Variants in TANC2 observed in about 807,000 individuals in gnomAD.
The protein encoded by TANC2 is protein TANC2.
A neutral mutation model predicts 210.5 loss-of-function variants in TANC2; 26 were observed. The observed-to-expected ratio is 0.12, with a 90% CI of 0.09 to 0.17. TANC2 has a LOEUF of 0.17. TANC2 is among the 10% of genes least tolerant of loss of function. TANC2 has a pLI of 1.00. For synonymous variants in TANC2, 931 were observed against 967.1 expected, an observed-to-expected ratio of 0.96 and a Z score of 0.69; for missense variants, 2,129 against 2,608.9, an observed-to-expected ratio of 0.82 and a Z score of 4.01.
exon 28 of TANC2, chr17:63,422,109 G>A: frequency 9.9e-7 from 1 of 1,012,900 alleles, no homozygotes; most frequent in Non-Finnish European, 1.4e-6. Context: ...TTTGCATGCA[G>A]CCGACTGGGA....
chr17:63,171,192 C>A (rs1382639311), intron 5 of TANC2, among the ~76,000 whole-genome samples: 1 of 150,852 alleles, frequency 6.6e-6, no homozygotes, highest in East Asian at 2.0e-4. Context: ...CAAGCAGTCC[C>A]CTGCCTCAGC....
At chr17:63,098,473 CACACACAT>C (rs1468978857) in intron 3 of TANC2, among the ~76,000 whole-genome samples, 5 of 36,878 alleles carry the variant, frequency 1.4e-4, no homozygotes, top group African/African-American at 3.9e-4. Context: ...CACACACACA[CACACACAT>C]ACACTCTCTC....
chr17:63,043,079 T>C (rs1196322748), intron 2 of TANC2, among the ~76,000 whole-genome samples: 1 of 152,102 alleles, frequency 6.6e-6, no homozygotes, highest in Non-Finnish European at 1.5e-5. Context: ...TTTTTAGCAA[T>C]TGTTGAAAGA....
chr17:63,259,789 A>G (rs2043303433), intron 8 of TANC2, among the ~76,000 whole-genome samples: 1 of 152,208 alleles, frequency 6.6e-6, no homozygotes. Flanking sequence ...ATTTTGCTTT[A>G]ATGTAAATAG....
At chr17:63,309,037 A>G (rs921979478) in intron 9 of TANC2, among the ~76,000 whole-genome samples, 5 of 152,136 alleles carry the variant, frequency 3.3e-5, no homozygotes, top group African/African-American at 1.2e-4. Flanking sequence ...ATTTTATTTC[A>G]TAAATACTTC....
At chr17:63,167,273 C>T (rs1356211562) in intron 5 of TANC2, among the ~76,000 whole-genome samples, 1 of 151,894 alleles carries the variant, frequency 6.6e-6, no homozygotes, top group East Asian at 1.9e-4. Flanking sequence ...TAAATATTAC[C>T]TAAGTAAGTA....
chr17:62,969,976 A>C (rs955095332), intron 1 of TANC2, among the ~76,000 whole-genome samples: 2 of 152,222 alleles, frequency 1.3e-5, no homozygotes, highest in Non-Finnish European at 2.9e-5. Flanking sequence ...TAAGATATTG[A>C]CCACATATGA....
rs935343970 is a variant in TANC2, at chr17:63,079,127, G to A, written c.139+5113G>A. On this transcript the variant is annotated intron_variant, in intron 3 of 27. Transcript: ENST00000689528. ...GCTATAGCTGCTGGTTGTGAGATGGGCTTGCTTAGGAACAGGGCTGGATGA... is the reference window on the plus strand; with the variant it reads ...GCTATAGCTGCTGGTTGTGAGATGGACTTGCTTAGGAACAGGGCTGGATGA... 9.4e-4 allele frequency among the ~76,000 whole-genome samples: 143 copies of A among 152,256 alleles called. 1 individual carries two copies. Among genetic ancestry groups the A allele is most frequent in the African/African-American group, 3.4e-3 (141 of 41,532 alleles).
chr17:63,100,160 C>T (rs1442238469), intron 4 of TANC2, among the ~76,000 whole-genome samples: 1 of 151,986 alleles, frequency 6.6e-6, no homozygotes, highest in Non-Finnish European at 1.5e-5. Flanking sequence ...AAGGATATGT[C>T]GACTGTTTCC....
rs947334608 is a variant in TANC2, at chr17:63,379,176, G to T, written c.2583-542G>T. ...AAATCTTGTAATGCCATCTGTGTGT[G>T]GGATGGGTGTAAGCCAACTATAACT... On this transcript the variant is annotated intron_variant, in intron 14 of 27. Transcript: ENST00000689528. Among the ~76,000 whole-genome samples, 5 of 152,250 alleles carry T rather than the reference G, an allele frequency of 3.3e-5. No individual in the cohort carries two copies. In the East Asian group the frequency reaches 9.7e-4, roughly 29 times the overall value.
chr17:63,275,584 C>G (rs957270092), intron 9 of TANC2, among the ~76,000 whole-genome samples: 3 of 152,148 alleles, frequency 2.0e-5, no homozygotes, highest in Admixed American at 2.0e-4. Context: ...GCTTAGTCAT[C>G]TTGATCATTG....
exon 18 of TANC2, chr17:63,395,766 G>T (rs1342905653): frequency 6.2e-7 from 1 of 1,613,350 alleles, no homozygotes; most frequent in Non-Finnish European, 8.5e-7. Context: ...ATAAGAACGG[G>T]CAGTGTGCTT....
intron 2 of TANC2, among the ~76,000 whole-genome samples, chr17:63,026,352 A>G (rs2034553971): frequency 6.6e-6 from 1 of 152,176 alleles, no homozygotes; most frequent in Admixed American, 6.5e-5. Flanking sequence ...TGTTTTATGA[A>G]TGAAAACATT....
chr17:63,294,906 G>A (rs2044488959), intron 9 of TANC2, among the ~76,000 whole-genome samples: 1 of 152,004 alleles, frequency 6.6e-6, no homozygotes, highest in African/African-American at 2.4e-5. Context: ...AGCTATAGTT[G>A]GGATGATAAC....
chr17:63,257,591 C>T (rs2043233081), intron 8 of TANC2, among the ~76,000 whole-genome samples: 1 of 152,150 alleles, frequency 6.6e-6, no homozygotes, highest in Non-Finnish European at 1.5e-5. Flanking sequence ...AGCTCCTAAG[C>T]TCAAGCAGTC....
intron 12 of TANC2, among the ~76,000 whole-genome samples, chr17:63,341,980 A>G (rs2046243466): frequency 6.6e-6 from 1 of 151,804 alleles, no homozygotes; most frequent in Admixed American, 6.6e-5. Context: ...AGATTTTCCC[A>G]CCTCCATATA....
chr17:63,077,541 T>C (rs1047362058), intron 3 of TANC2, among the ~76,000 whole-genome samples: 2 of 152,174 alleles, frequency 1.3e-5, no homozygotes, highest in African/African-American at 4.8e-5. Context: ...GAAAATGAGA[T>C]TGGTAGAAAC....
At chr17:63,079,980 C>G (rs1305178203) in intron 3 of TANC2, among the ~76,000 whole-genome samples, 1 of 152,094 alleles carries the variant, frequency 6.6e-6, no homozygotes, top group Non-Finnish European at 1.5e-5. Context: ...TAGTTTAACC[C>G]CAGTATGACT....
intron 8 of TANC2, among the ~76,000 whole-genome samples, chr17:63,248,428 A>G (rs567482847): frequency 2.6e-5 from 4 of 152,172 alleles, no homozygotes; most frequent in Non-Finnish European, 4.4e-5. Context: ...TTCAGATCCA[A>G]CTTTTAAACT....
Sources: allele counts gnomAD v4.1 joint callset (sites outside exome capture counted in the v4.1 genomes callset), GRCh38; gene constraint gnomAD v4.1.1; transcripts MANE v1.5; gene names NCBI Gene and HGNC (gene_info 2026-07-23, HGNC 2026-07-21).